Variants in SNX7 observed in about 807,000 individuals in gnomAD.
SNX7 encodes sorting nexin 7.
SNX7 carries 35 observed loss-of-function variants against 48.4 expected under a neutral mutation model. The observed-to-expected ratio is 0.72, with a 90% CI of 0.55 to 0.96. The LOEUF (loss-of-function observed/expected upper bound fraction) is 0.96. SNX7 is among the 40% of genes least tolerant of loss of function. The pLI is 0.00. For missense variants in SNX7, 553 were observed against 548.9 expected, an observed-to-expected ratio of 1.01 and a Z score of -0.07; for synonymous variants, 190 against 190.2, an observed-to-expected ratio of 1.00 and a Z score of 0.01.
chr1:98,748,119 G>A (rs948394647), intron 8 of SNX7, among the ~76,000 whole-genome samples: 2 of 151,574 alleles, frequency 1.3e-5, no homozygotes, highest in Non-Finnish European at 2.9e-5. Flanking sequence ...CAAGTAGCTG[G>A]GATTACAGGC....
chr1:98,756,429 T>TTTTG (rs1162495783), intron 8 of SNX7, among the ~76,000 whole-genome samples: 1 of 144,436 alleles, frequency 6.9e-6, no homozygotes, highest in Non-Finnish European at 1.5e-5. Flanking sequence ...TGAGTTTTTT[T>TTTTG]TTTTTTTTTT....
At chr1:98,701,783 A>G (rs1481910250) in intron 6 of SNX7, 34 bp from the exon 7 acceptor site, 1 of 1,424,016 alleles carries the variant, frequency 7.0e-7, no homozygotes, top group African/African-American at 1.4e-5. Flanking sequence ...AAAACTAAGT[A>G]CAGCCTATTT....
intron 7 of SNX7, among the ~76,000 whole-genome samples, chr1:98,728,512 A>C (rs1653313494): frequency 6.6e-6 from 1 of 152,212 alleles, no homozygotes; most frequent in Non-Finnish European, 1.5e-5. Flanking sequence ...GTCAAGCTGG[A>C]CAAAGAGTCA....
chr1:98,740,043 G>C (rs2101037723), intron 8 of SNX7, among the ~76,000 whole-genome samples: 1 of 152,146 alleles, frequency 6.6e-6, no homozygotes, highest in East Asian at 1.9e-4. Context: ...CATGTTAGTG[G>C]GCTAGAGATT....
intron 7 of SNX7, among the ~76,000 whole-genome samples, chr1:98,711,001 A>G (rs1652271405): frequency 6.6e-6 from 1 of 152,134 alleles, no homozygotes; most frequent in Non-Finnish European, 1.5e-5. Flanking sequence ...TAGTGTTATA[A>G]AACATTATTT....
At chr1:98,671,506 A>G (rs539622297) in intron 1 of SNX7, among the ~76,000 whole-genome samples, 42 of 152,264 alleles carry the variant, frequency 2.8e-4, no homozygotes, top group Middle Eastern at 6.8e-3. Context: ...CTTTTATATG[A>G]CATGCTCTTT....
intron 8 of SNX7, among the ~76,000 whole-genome samples, chr1:98,756,322 A>G (rs1340887570): frequency 1.3e-5 from 2 of 151,030 alleles, no homozygotes; most frequent in East Asian, 2.0e-4. Context: ...ATACATTTAA[A>G]TAATAGGAAA....
intron 8 of SNX7, among the ~76,000 whole-genome samples, chr1:98,755,459 G>A (rs941809068): frequency 1.4e-5 from 2 of 145,254 alleles, no homozygotes; most frequent in African/African-American, 5.1e-5. Flanking sequence ...ACTCTTTTAT[G>A]TGTGTAAACA....
At chr1:98,669,391 A>G (rs779459127) in intron 1 of SNX7, among the ~76,000 whole-genome samples, 56 of 152,140 alleles carry the variant, frequency 3.7e-4, no homozygotes, top group Admixed American at 2.2e-3. Context: ...TTCTGCCCCC[A>G]TTCTATGTGT....
chr1:98,667,984 T>G (rs1649634397), intron 1 of SNX7, among the ~76,000 whole-genome samples: 1 of 152,086 alleles, frequency 6.6e-6, no homozygotes, highest in South Asian at 2.1e-4. Flanking sequence ...CCAGGACTAC[T>G]TATATTTCTC....
At chr1:98,735,909 A>G (rs757977678) in intron 7 of SNX7, among the ~76,000 whole-genome samples, 2 of 152,162 alleles carry the variant, frequency 1.3e-5, no homozygotes, top group Admixed American at 1.3e-4. Context: ...TGATAAGGCT[A>G]CAGTCCTTCT....
chr1:98,711,261 G>T (rs184520728), intron 7 of SNX7, among the ~76,000 whole-genome samples: 1 of 152,028 alleles, frequency 6.6e-6, no homozygotes, highest in Non-Finnish European at 1.5e-5. Flanking sequence ...CAAGTGATCC[G>T]CCTGCCTTGA....
At chr1:98,681,917 T>C (rs776627647) in intron 1 of SNX7, among the ~76,000 whole-genome samples, 5 of 152,158 alleles carry the variant, frequency 3.3e-5, no homozygotes, top group Non-Finnish European at 7.3e-5. Context: ...TGGGGCAACA[T>C]GTTTCTAGCT....
At chr1:98,685,104 C>CTT in intron 2 of SNX7, 37 bp downstream of exon 2, 1 of 1,299,954 alleles carries the variant, frequency 7.7e-7, no homozygotes, top group African/African-American at 1.5e-5. Flanking sequence ...AATATAGCTG[C>CTT]TTTTTTTTAA....
At chr1:98,690,112 G>A (rs765988321) in intron 2 of SNX7, among the ~76,000 whole-genome samples, 2 of 152,072 alleles carry the variant, frequency 1.3e-5, no homozygotes, top group African/African-American at 2.4e-5. Flanking sequence ...GTGTACATCT[G>A]TGTGGGTGAT....
At chr1:98,745,695 G>A (rs186194020) in intron 8 of SNX7, among the ~76,000 whole-genome samples, 51 of 152,060 alleles carry the variant, frequency 3.4e-4, no homozygotes, top group African/African-American at 1.1e-3. Flanking sequence ...TTTCCAATTC[G>A]TTACATCCTT....
intron 7 of SNX7, among the ~76,000 whole-genome samples, chr1:98,725,125 T>G (rs4320793): frequency 0.57 from 85,915 of 151,952 alleles, 25,092 homozygotes; most frequent in Non-Finnish European, 0.64. Flanking sequence ...ACTCAAAATT[T>G]CTTTAAGCTC....
chr1:98,691,301 G>T, intron 3 of SNX7, 116 bp downstream of exon 3: 1 of 599,914 alleles, frequency 1.7e-6, no homozygotes, highest in South Asian at 3.3e-5. Context: ...TTTATCTTAG[G>T]AATAATATTT....
At chr1:98,687,196 G>A (rs1251170388) in intron 2 of SNX7, among the ~76,000 whole-genome samples, 1 of 152,054 alleles carries the variant, frequency 6.6e-6, no homozygotes, top group Non-Finnish European at 1.5e-5. Flanking sequence ...CATGCACGAG[G>A]ACACCGAAAC....
Sources: gnomAD v4.1 joint callset for allele counts (sites outside exome capture counted in the v4.1 genomes callset) on GRCh38, gnomAD v4.1.1 for gene constraint, MANE v1.5 for transcripts, NCBI Gene and HGNC (gene_info 2026-07-23, HGNC 2026-07-21) for gene names.